The following AAK1 variants were observed in gnomAD, a reference collection of about 807,000 sequenced individuals.
AAK1 encodes AP2-associated protein kinase 1.
AAK1 carries 37 observed loss-of-function variants against 116.0 expected under a neutral mutation model. That is an observed-to-expected ratio of 0.32 (90% CI 0.25 to 0.42). The LOEUF (loss-of-function observed/expected upper bound fraction) is 0.42, where lower values mean the gene tolerates loss of function less well. Among genes scored for constraint, AAK1 ranks in the 10% least tolerant of loss-of-function variants. The probability of loss-of-function intolerance (pLI) is 1.00; values close to 1 mark genes in which losing one functional copy is unlikely to be tolerated. For missense variants in AAK1, 919 were observed against 1,170.6 expected (o/e 0.79, Z 3.14); for synonymous variants, 458 against 439.9 (o/e 1.04, Z -0.51).
rs1431768632 is a variant in AAK1 at position 69,475,998 on chromosome 2, A to G, written c.2792-35T>C. ...GAGAGATAGGAATTCAGTACAAAAC[A>G]TAGAGGGTTAAGGTTTAGATGTGCA... On this transcript the variant is annotated intron_variant, in intron 21 of 21. Transcript: ENST00000409085. 5 of 1,591,042 alleles carry G rather than the reference A, an allele frequency of 3.1e-6. No individual in the cohort carries two copies. The East Asian group carries it at 9.1e-5, about 29-fold the overall frequency.
chr2:69,517,602 C>A (rs1676637628), intron 12 of AAK1, among the ~76,000 whole-genome samples: 1 of 151,380 alleles, frequency 6.6e-6, no homozygotes, highest in Admixed American at 6.6e-5. Flanking sequence ...ACAGGAAGAA[C>A]AAAGAATTGT....
intron 2 of AAK1, among the ~76,000 whole-genome samples, chr2:69,627,305 A>T (rs573196848): frequency 1.3e-5 from 2 of 152,126 alleles, no homozygotes; most frequent in African/African-American, 4.8e-5. Context: ...AGAAAAAAAA[A>T]AAAAAAGATT....
rs2104853756 is a variant in AAK1 at position 69,462,306 on chromosome 2, C to G, written c.*13563G>C. On this transcript the variant is annotated 3_prime_UTR_variant, in exon 22 of 22. Coordinates refer to ENST00000409085, the MANE Select transcript of AAK1 (RefSeq NM_014911.5). The stretch of plus-strand genomic sequence containing the variant: ...GTGGGTGCAGCACACGAGCATGGCA[C>G]ATGTATACATATGTAACTAACCTGC... 1 of 150,416 alleles carries G rather than the reference C, an allele frequency of 6.6e-6. No individual in the cohort carries two copies. Among genetic ancestry groups the G allele is most frequent in the East Asian group, 2.0e-4 (1 of 5,098 alleles). The allele number at this position is 150,416 out of a possible 1,614,324, so 9.3% of individuals were successfully genotyped here. A position where few individuals can be genotyped will look rare whatever the true frequency, so the allele number is the denominator to read the frequency against.
At chr2:69,544,942 A>T (rs1670863995) in intron 3 of AAK1, among the ~76,000 whole-genome samples, 1 of 151,900 alleles carries the variant, frequency 6.6e-6, no homozygotes, top group Non-Finnish European at 1.5e-5. Context: ...AATAAAATTG[A>T]TGTTTTTCCT....
In AAK1 at chr2:69,463,713, A is replaced by AT. The variant is rs1674400003; in HGVS notation, c.*12155dup. 1 of 152,152 alleles carries AT rather than the reference A, an allele frequency of 6.6e-6. No individual in the cohort carries two copies. Among genetic ancestry groups the AT allele is most frequent in the Non-Finnish European group, 1.5e-5 (1 of 68,112 alleles). The allele number at this position is 152,152 out of a possible 1,614,324, so 9.4% of individuals were successfully genotyped here. On this transcript the variant is annotated 3_prime_UTR_variant, in exon 22 of 22. Coordinates refer to ENST00000409085, the MANE Select transcript of AAK1 (RefSeq NM_014911.5). ...TTTTTAGTAGAGATGGGGTTTCACC[A>AT]TGTTGGCCAGGCTGGTCTCAAACTC...
intron 2 of AAK1, among the ~76,000 whole-genome samples, chr2:69,578,853 G>A (rs2105138155): frequency 6.6e-6 from 1 of 150,430 alleles, no homozygotes; most frequent in African/African-American, 2.5e-5. Flanking sequence ...GCCCAGGCTG[G>A]AGTGCAGTGG....
intron 2 of AAK1, among the ~76,000 whole-genome samples, chr2:69,568,425 CTTTTT>C (rs61271799): frequency 3.3e-5 from 4 of 122,200 alleles, no homozygotes; most frequent in African/African-American, 6.1e-5. Flanking sequence ...ATGTTTTCAA[CTTTTT>C]TTTTTTTTTT....
rs529127172 is a variant in AAK1 at position 69,542,545 on chromosome 2, G to C, written c.512C>G (p.Pro171Arg). 1 of 1,613,894 alleles carries C rather than the reference G, an allele frequency of 6.2e-7. No homozygotes were observed. Among genetic ancestry groups the C allele is most frequent in the African/African-American group, 1.3e-5 (1 of 75,000 alleles). The change falls in exon 5 of 22, where the codon CCT becomes CGT. Residue 171 changes from proline (P) to arginine (R), a missense_variant. Pro to Arg is a moderately radical substitution (Grantham distance 103, BLOSUM62 -2). Around this residue, in one of 4 missense-constraint regions of AAK1, gnomAD observed 317 missense variants for 490.4 expected, o/e 0.65. Transcript: ENST00000409085. ...AVARLHQCKT[P>R]IIHRDLKVEN... ...TACCTTCAGGTCCCGGTGGATAATA[G>C]GAGTTTTGCACTGATGCAGGCGGGC...
intron 21 of AAK1, 56 bp downstream of exon 21, chr2:69,476,824 C>T: frequency 1.1e-5 from 14 of 1,274,320 alleles, no homozygotes; most frequent in Non-Finnish European, 1.3e-5. Context: ...AGGTGCATGA[C>T]TATTTTGAAG....
chr2:69,487,678 T>C (rs999974463), intron 17 of AAK1, among the ~76,000 whole-genome samples: 11 of 152,178 alleles, frequency 7.2e-5, no homozygotes, highest in African/African-American at 2.7e-4. Flanking sequence ...TCATAAATTG[T>C]ATTTTAGTAA....
At chr2:69,579,467 T>G (rs1216089965) in intron 2 of AAK1, among the ~76,000 whole-genome samples, 1 of 152,146 alleles carries the variant, frequency 6.6e-6, no homozygotes, top group Non-Finnish European at 1.5e-5. Flanking sequence ...GAGACCCAAC[T>G]ACTCAGGAGA....
At chr2:69,570,876 T>A (rs1304132218) in intron 2 of AAK1, among the ~76,000 whole-genome samples, 2 of 152,220 alleles carry the variant, frequency 1.3e-5, no homozygotes, top group East Asian at 3.8e-4. Flanking sequence ...TGTTCTCTGA[T>A]GCCTCTGTGC....
rs531500362 is a variant in AAK1, at chr2:69,642,979, C to G, written c.62G>C (p.Ser21Thr). The G allele has an allele frequency of 6.2e-7, 1 of 1,612,650 alleles. No homozygotes were observed. The highest frequency in any genetic ancestry group is 8.5e-7 in the Non-Finnish European group (1 of 1,179,446). The stretch of plus-strand genomic sequence containing the variant: ...GCCCGAGGTGCTGCCCCCTCCTCCG[C>G]TGGAGCCGGAGCCCAGGCCAGAGCC... ...QGGSGLGSGS[S>T]GGGGSTSGLG... The change falls in exon 2 of 22, where the codon AGC (serine) becomes ACC (threonine). Residue 21 changes from serine to threonine, a missense_variant. By Grantham distance (58) the Ser-to-Thr change is moderately conservative. Around this residue, in one of 4 missense-constraint regions of AAK1, gnomAD observed 317 missense variants for 490.4 expected, o/e 0.65. Coordinates refer to ENST00000409085, the MANE Select transcript of AAK1 (RefSeq NM_014911.5).
intron 3 of AAK1, among the ~76,000 whole-genome samples, chr2:69,550,001 C>T (rs1375214608): frequency 6.6e-6 from 1 of 152,156 alleles, no homozygotes; most frequent in Non-Finnish European, 1.5e-5. Context: ...TAATGGTAAG[C>T]CACAATGCTT....
At chr2:69,553,496 T>TGTA (rs1671267301) in intron 3 of AAK1, among the ~76,000 whole-genome samples, 1 of 134,212 alleles carries the variant, frequency 7.5e-6, no homozygotes, top group Non-Finnish European at 1.5e-5. Context: ...CAGGCTGGAG[T>TGTA]GTAGTGGCGT....
rs751235766 is a variant in AAK1 at position 69,520,862 on chromosome 2, G to A, written c.1182C>T (p.Ala394=). 11 of 1,583,074 alleles carry A rather than the reference G, an allele frequency of 6.9e-6. No homozygotes were observed. In the South Asian group the frequency reaches 1.2e-4, roughly 17 times the overall value. ...CAGCCTGAGGTGGGGGCTGAACAGT[G>A]GCCCTCTTCCGGGGTGTCAGCGCTG... ...IQPALTPRKR[A]TVQPPPQAAG... is the part of the protein sequence containing the mutation. Residue 394 remains alanine (A), a synonymous_variant, in exon 11 of 22, where the codon GCC becomes GCT. Transcript: ENST00000409085.
In AAK1 at chr2:69,571,839, G is replaced by A. The variant is rs528506277; in HGVS notation, c.164-14861C>T. 2.2e-4 allele frequency among the ~76,000 whole-genome samples: 33 copies of A among 152,260 alleles called. 1 individual carries two copies. The highest frequency in any genetic ancestry group is 7.7e-4 in the African/African-American group (32 of 41,562). Reference sequence around the variant, plus strand: ...GCACTGTTACCTTTCTTGAGCTGACGGATCAGTGTTAGGGAGGACAGGAGC... The same window carrying A: ...GCACTGTTACCTTTCTTGAGCTGACAGATCAGTGTTAGGGAGGACAGGAGC... On this transcript the variant is annotated intron_variant, in intron 2 of 21. Coordinates refer to ENST00000409085, the MANE Select transcript of AAK1 (RefSeq NM_014911.5).
At chr2:69,491,446 T>C (rs1572890974) in intron 17 of AAK1, among the ~76,000 whole-genome samples, 1 of 152,206 alleles carries the variant, frequency 6.6e-6, no homozygotes, top group East Asian at 1.9e-4. Context: ...CTAAGAAAAT[T>C]TGTTTTATAG....
Position 69,564,417 on chromosome 2 carries a change from GA to G in AAK1, c.164-7440del, listed in dbSNP as rs35843540. Among the ~76,000 whole-genome samples the G allele has an allele frequency of 6.5e-3, 902 of 137,762 alleles. 8 individuals carry two copies. The highest frequency in any genetic ancestry group is 0.02 in the African/African-American group (766 of 37,570). The allele number at this position is 137,762 out of a possible 152,430, so 90.4% of individuals were successfully genotyped here. On this transcript the variant is annotated intron_variant, in intron 2 of 21. Transcript: ENST00000409085. ...GCTGTGTAATTTTGGAGAAAGGCTAGAAAAAAAAAAAGGAGCAATTCTGCTA... is the reference window on the plus strand; with the variant it reads ...GCTGTGTAATTTTGGAGAAAGGCTAGAAAAAAAAAAGGAGCAATTCTGCTA...
Sources: gnomAD v4.1 joint callset for allele counts (sites outside exome capture counted in the v4.1 genomes callset) on GRCh38, gnomAD v4.1.1 for gene constraint, gnomAD v4.1.1 regional missense constraint, MANE v1.5 for transcripts, NCBI Gene and HGNC (gene_info 2026-07-23, HGNC 2026-07-21) for gene names.